The following LSS variants were observed in gnomAD, a reference collection of about 807,000 sequenced individuals.
LSS encodes lanosterol synthase.
Under a neutral mutation model 110.3 loss-of-function variants are expected in LSS, and 90 were observed. That is an observed-to-expected ratio of 0.82 (90% CI 0.69 to 0.97). The LOEUF is 0.97. Among genes scored for constraint, LSS ranks in the 50% least tolerant of loss-of-function variants. The pLI is 0.00. For synonymous variants in LSS, 433 were observed against 400.0 expected (o/e 1.08, Z -0.98); for missense variants, 927 against 990.0 (o/e 0.94, Z 0.85).
chr21:46,206,608 G>A, intron 16 of LSS, 64 bp downstream of exon 16: 1 of 1,388,770 alleles, frequency 7.2e-7, no homozygotes, highest in Non-Finnish European at 1.0e-6. Flanking sequence ...TGGCCCCCAG[G>A]TTTGTGTACC....
At position 46,228,662 on chromosome 21, in the gene LSS, C is replaced by T. The variant is rs753665871; in HGVS notation, c.15-63G>A. ...CCAACGCCGGCCGCCGGCCCACTGCCCCAGTCGCGCTCTCCTCAGCACCTA... is the reference window on the plus strand; with the variant it reads ...CCAACGCCGGCCGCCGGCCCACTGCTCCAGTCGCGCTCTCCTCAGCACCTA... On this transcript the variant is annotated intron_variant, in intron 1 of 21. Coordinates refer to ENST00000397728, the MANE Select transcript of LSS (RefSeq NM_002340.6). 5.0e-6 allele frequency: 8 copies of T among 1,598,630 alleles called. No individual in the cohort carries two copies. In the East Asian group the frequency reaches 1.6e-4, roughly 31 times the overall value.
intron 19 of LSS, 152 bp downstream of exon 19, chr21:46,195,524 T>G (rs760186783): frequency 1.4e-6 from 1 of 725,780 alleles, no homozygotes; most frequent in Non-Finnish European, 2.4e-6. Context: ...ATCATGCCAC[T>G]GCATGTCAGC....
chr21:46,222,676 C>G lies in LSS; in HGVS notation c.382G>C (p.Val128Leu). The G allele has an allele frequency of 6.2e-7, 1 of 1,613,942 alleles. No individual in the cohort carries two copies. The highest frequency in any genetic ancestry group is 8.5e-7 in the Non-Finnish European group (1 of 1,180,042). ...PLPAGYREEI[V>L]RYLRSVQLPD... Reference sequence around the variant, plus strand: ...AGCTGCACTGACCGCAGGTACCGCACAATCTCTTCTCTGTATCCGGCTGGC... The same window carrying G: ...AGCTGCACTGACCGCAGGTACCGCAGAATCTCTTCTCTGTATCCGGCTGGC... The change falls in exon 4 of 22, where the codon GTG becomes CTG. Residue 128 changes from valine (V) to leucine (L), a missense_variant. By Grantham distance (32) the Val-to-Leu change is conservative. Coordinates refer to ENST00000397728, the MANE Select transcript of LSS (RefSeq NM_002340.6).
rs200865984 is a variant in LSS, at chr21:46,205,859, C to T, written c.1647G>A (p.Pro549=). ...ACCGGATCTCCGCTGCCCTGTGCTC[C>T]GGGAAACGCTTGTGGAAATACTTAA... The part of the protein sequence containing the change: ...QALKYFHKRF[P]EHRAAEIRET... The change falls in exon 17 of 22, where the codon CCG becomes CCA. Residue 549 remains proline, a synonymous_variant. Coordinates refer to ENST00000397728, the MANE Select transcript of LSS (RefSeq NM_002340.6). 5.7e-5 allele frequency: 92 copies of T among 1,608,680 alleles called. No homozygotes were observed. The East Asian group carries it at 1.5e-3, about 25-fold the overall frequency.
At chr21:46,220,496 A>C (rs1481083336) in intron 5 of LSS, 1 of 152,794 alleles carries the variant, frequency 6.5e-6, no homozygotes, top group Non-Finnish European at 1.5e-5. Context: ...CTCCAGGCGA[A>C]GGAGGCAGTG....
chr21:46,223,852 T>C (rs1184751971), intron 3 of LSS, among the ~76,000 whole-genome samples: 1 of 152,178 alleles, frequency 6.6e-6, no homozygotes, highest in Non-Finnish European at 1.5e-5. Context: ...AGACGCCCGT[T>C]GCCGAGCGGA....
chr21:46,227,354 C>T, intron 3 of LSS, 198 bp downstream of exon 3: 2 of 610,410 alleles, frequency 3.3e-6, no homozygotes, highest in South Asian at 4.6e-5. Flanking sequence ...GAGAGCCTGT[C>T]ACCCTACACT....
At chr21:46,202,418 A>T (rs2079991734) in intron 17 of LSS, among the ~76,000 whole-genome samples, 1 of 151,062 alleles carries the variant, frequency 6.6e-6, no homozygotes, top group South Asian at 2.1e-4. Flanking sequence ...TAAATAAAAT[A>T]AAATCTTAAT....
intron 2 of LSS, 138 bp from the exon 3 acceptor site, chr21:46,227,828 G>A: frequency 1.0e-6 from 1 of 985,360 alleles, no homozygotes; most frequent in Admixed American, 2.6e-5. Context: ...TCCATCAAAA[G>A]TCTGAAACTC....
In LSS at chr21:46,216,107, G is replaced by A. The variant is rs975473725; in HGVS notation, c.783+282C>T. Among the ~76,000 whole-genome samples the A allele has an allele frequency of 1.3e-5, 2 of 152,130 alleles. No homozygotes were observed. Among genetic ancestry groups the A allele is most frequent in the Non-Finnish European group, 2.9e-5 (2 of 68,014 alleles). ...ACCTCGCCTCAGGCCTGCTTCCAGA[G>A]GACACAGTGCACATCTGCCTCCTGC... is the stretch of plus-strand genomic sequence containing the variant. On this transcript the variant is annotated intron_variant, in intron 7 of 21. Transcript: ENST00000397728. This position sits in a 1 kb window ranked among gnomAD's most constrained non-coding sequence, Gnocchi z 4.2.
rs11909228 is a variant in LSS, at chr21:46,223,000, A to T, written c.320-262T>A. Among the ~76,000 whole-genome samples, 129,844 of 152,168 alleles carry T rather than the reference A, an allele frequency of 0.85. 56,039 individuals are homozygous for T. Among genetic ancestry groups the T allele is most frequent in the African/African-American group, 0.93 (38,623 of 41,550 alleles). On this transcript the variant is annotated intron_variant, in intron 3 of 21. Coordinates refer to ENST00000397728, the MANE Select transcript of LSS (RefSeq NM_002340.6). Reference sequence around the variant, plus strand: ...GCCACGCCTGGCTCCCATGACCACCAGGGTCTGAGAAACACCAGACACTGC... The same window carrying T: ...GCCACGCCTGGCTCCCATGACCACCTGGGTCTGAGAAACACCAGACACTGC...
intron 3 of LSS, among the ~76,000 whole-genome samples, chr21:46,224,993 G>A (rs1465255579): frequency 1.3e-5 from 2 of 152,156 alleles, no homozygotes; most frequent in Admixed American, 6.5e-5. Context: ...GCACATGGCT[G>A]TAATCCCAGC....
intron 19 of LSS, among the ~76,000 whole-genome samples, chr21:46,195,433 G>A (rs1023435027): frequency 6.6e-5 from 10 of 152,342 alleles, no homozygotes; most frequent in South Asian, 2.1e-4. Flanking sequence ...AGATTAGCCC[G>A]GGGTGGTGGC....
chr21:46,205,383 G>A (rs1025599810), intron 17 of LSS, among the ~76,000 whole-genome samples: 7 of 152,178 alleles, frequency 4.6e-5, no homozygotes, highest in Non-Finnish European at 8.8e-5. Context: ...AGACACCCAC[G>A]ACCTGGCAGG....
intron 15 of LSS, among the ~76,000 whole-genome samples, chr21:46,206,981 C>T: frequency 6.6e-6 from 1 of 152,158 alleles, no homozygotes; most frequent in African/African-American, 2.4e-5. Flanking sequence ...GCACAGCCAC[C>T]AGGGAACATG....
At chr21:46,191,661 C>T (rs1203566565) in intron 21 of LSS, among the ~76,000 whole-genome samples, 1 of 152,238 alleles carries the variant, frequency 6.6e-6, no homozygotes, top group Non-Finnish European at 1.5e-5. Flanking sequence ...CAGCTCCTCC[C>T]CCACCCAGAG....
At chr21:46,193,565 G>C in intron 20 of LSS, 1 of 436,238 alleles carries the variant, frequency 2.3e-6, no homozygotes, top group Non-Finnish European at 4.5e-6. Flanking sequence ...ATGGGATCCT[G>C]TGGGTGCATC....
In LSS at chr21:46,191,897, T is replaced by C. The variant is rs759825672; in HGVS notation, c.2051A>G (p.Asn684Ser). The change falls in exon 21 of 22, where the codon AAT becomes AGT. Residue 684 changes from asparagine (N) to serine (S), a missense_variant. Physicochemically the swap from Asn to Ser is conservative, Grantham distance 46. Coordinates refer to ENST00000397728, the MANE Select transcript of LSS (RefSeq NM_002340.6). ...VRCLLEKQLP[N>S]GDWPQENIAG... ...GCGGCATACCTGCGGCCAGTCGCCA[T>C]TGGGGAGCTGTTTCTCAAGTAGACA... 1.0e-4 allele frequency: 161 copies of C among 1,613,320 alleles called. 1 individual carries two copies. The highest frequency in any genetic ancestry group is 1.9e-4 in the African/African-American group (14 of 74,896).
chr21:46,202,380 C>T (rs564686446), intron 17 of LSS, among the ~76,000 whole-genome samples: 142 of 139,202 alleles, frequency 1.0e-3, no homozygotes, highest in African/African-American at 3.5e-3. Flanking sequence ...GGCGACAGAG[C>T]GAGACTCCGT....
Sources: gnomAD v4.1 joint callset for allele counts (sites outside exome capture counted in the v4.1 genomes callset) on GRCh38, gnomAD v4.1.1 for gene constraint, Gnocchi (gnomAD v3.1) non-coding constraint, MANE v1.5 for transcripts, NCBI Gene and HGNC (gene_info 2026-07-23, HGNC 2026-07-21) for gene names.